GJC1: variants seen among roughly 807,000 people sequenced by gnomAD.
GJC1 encodes gap junction gamma-1 protein.
In GJC1, 5 loss-of-function variants were observed where a neutral mutation model predicts 29.3. The ratio of observed to expected loss-of-function variants is 0.17; its 90% CI spans 0.09 to 0.36. The LOEUF (loss-of-function observed/expected upper bound fraction) is 0.36, where lower values mean the gene tolerates loss of function less well. Among genes scored for constraint, GJC1 ranks in the 10% least tolerant of loss-of-function variants. The probability of loss-of-function intolerance (pLI) is 1.00; values close to 1 mark genes in which losing one functional copy is unlikely to be tolerated. For synonymous variants in GJC1, 177 were observed against 183.3 expected (o/e 0.97, Z 0.28); for missense variants, 310 against 496.2 (o/e 0.62, Z 3.56).
At chr17:44,816,310 C>A (rs113733784) in intron 1 of GJC1, among the ~76,000 whole-genome samples, 263 of 151,868 alleles carry the variant, frequency 1.7e-3, no homozygotes, top group African/African-American at 6.1e-3. Flanking sequence ...GTCTATTTTC[C>A]AAATAACTTA....
Position 44,805,851 on chromosome 17 carries a change from A to G in GJC1, c.-20-14T>C. 8.8e-7 allele frequency: 1 copy of G among 1,139,084 alleles called. No homozygotes were observed. Among genetic ancestry groups the G allele is most frequent in the Non-Finnish European group, 1.3e-6 (1 of 789,806 alleles). 70.6% of individuals were successfully genotyped at this position (1,139,084 alleles called of 1,614,324 possible). ...AATTGGTATGCCCTGATAAAAGTGG[A>G]AAAATACCAAAATAAAATCAACAAA... On this transcript the variant is annotated splice_polypyrimidine_tract_variant and intron_variant, in intron 2 of 2. Transcript: ENST00000592524. The surrounding 1 kb of genome is among the most constrained non-coding windows in gnomAD (Gnocchi z 5.1).
At chr17:44,797,417 C>T (rs2049790654), downstream of GJC1, 1 of 152,168 alleles carries the variant, frequency 6.6e-6, no homozygotes, top group South Asian at 2.1e-4. Context: ...GTCCAATGGT[C>T]CAATGGTTAC....
Position 44,813,756 on chromosome 17 carries a change from G to T in GJC1, c.-96-6287C>A, listed in dbSNP as rs574095712. On this transcript the variant is annotated intron_variant, in intron 1 of 2. Transcript: ENST00000592524. Reference sequence around the variant, plus strand: ...GATCTGCTCACCTCGGCCTCCCAAAGTGCTAAGATTACAGGCGTGAGTCAC... The same window carrying T: ...GATCTGCTCACCTCGGCCTCCCAAATTGCTAAGATTACAGGCGTGAGTCAC... 5.3e-5 allele frequency among the ~76,000 whole-genome samples: 8 copies of T among 152,150 alleles called. 1 individual carries two copies. The South Asian group carries it at 1.7e-3, about 32-fold the overall frequency.
At chr17:44,818,663 T>C (rs1001949668) in intron 1 of GJC1, among the ~76,000 whole-genome samples, 4 of 151,482 alleles carry the variant, frequency 2.6e-5, no homozygotes, top group African/African-American at 4.9e-5. Flanking sequence ...TAGCCAGGCC[T>C]GGGCTACTGT....
intron 1 of GJC1, among the ~76,000 whole-genome samples, chr17:44,826,293 G>C (rs931929297): frequency 2.6e-5 from 4 of 152,108 alleles, no homozygotes; most frequent in African/African-American, 9.7e-5. Flanking sequence ...AGCATTTTGG[G>C]AGGCCGAGGT....
chr17:44,804,994 T>G lies in GJC1; in HGVS notation c.824A>C (p.Tyr275Ser). 6.2e-7 allele frequency: 1 copy of G among 1,614,058 alleles called. No homozygotes were observed. The highest frequency in any genetic ancestry group is 8.5e-7 in the Non-Finnish European group (1 of 1,179,996). Residue 275 changes from tyrosine to serine, a missense_variant, in exon 3 of 3, where the codon TAT becomes TCT. Transcript: ENST00000592524. ...KRRELEDPGA[Y>S]NYPFTWNTPS... ...TGTATTCCAAGTGAAAGGATAATTATAAGCACCCGGATCCTCAAGTTCCCT... is the reference window on the plus strand; with the variant it reads ...TGTATTCCAAGTGAAAGGATAATTAGAAGCACCCGGATCCTCAAGTTCCCT...
rs2049807277 is a variant in GJC1 at position 44,798,886 on chromosome 17, T to G, written c.*5741A>C. On this transcript the variant is annotated 3_prime_UTR_variant, in exon 3 of 3. Coordinates refer to ENST00000592524, the MANE Select transcript of GJC1 (RefSeq NM_005497.4). ...AAATGCAGAACTAGTACCTTTTTTA[T>G]TTGAGTCTCACTCCATCACCCAAGC... is the stretch of plus-strand genomic sequence containing the variant. 6.6e-6 allele frequency: 1 copy of G among 152,226 alleles called. No homozygotes were observed. Among genetic ancestry groups the G allele is most frequent in the African/African-American group, 2.4e-5 (1 of 41,446 alleles). 9.4% of individuals were successfully genotyped at this position (152,226 alleles called of 1,614,324 possible). A position where few individuals can be genotyped will look rare whatever the true frequency, so the allele number is the denominator to read the frequency against.
At chr17:44,797,037 A>G (rs2049787908), downstream of GJC1, among the ~76,000 whole-genome samples, 4 of 152,032 alleles carry the variant, frequency 2.6e-5, no homozygotes, top group Admixed American at 2.6e-4. Context: ...TTTTGTAGAG[A>G]CAGGGTCTCA....
downstream of GJC1, chr17:44,794,952 G>A (rs776045445): frequency 7.9e-5 from 12 of 152,198 alleles, no homozygotes; most frequent in Non-Finnish European, 1.3e-4. Flanking sequence ...GTCAAGGGCA[G>A]GGCAAGGAAA....
rs576540378 is a variant in GJC1, at chr17:44,823,198, T to C, written c.-97+6864A>G. Among the ~76,000 whole-genome samples the C allele has an allele frequency of 2.6e-5, 4 of 151,424 alleles. No individual in the cohort carries two copies. The East Asian group carries it at 7.8e-4, about 29-fold the overall frequency. ...GTGTGTGAAGTTTATCCGATTTATA[T>C]AGAGGAAAAACATCAAAACTTACTC... On this transcript the variant is annotated intron_variant, in intron 1 of 2. Coordinates refer to ENST00000592524, the MANE Select transcript of GJC1 (RefSeq NM_005497.4).
At chr17:44,815,917 T>A (rs1375044223) in intron 1 of GJC1, among the ~76,000 whole-genome samples, 1 of 151,720 alleles carries the variant, frequency 6.6e-6, no homozygotes, top group Non-Finnish European at 1.5e-5. Flanking sequence ...ATCGAGACCA[T>A]CCTGGCTAAC....
intron 1 of GJC1, among the ~76,000 whole-genome samples, chr17:44,813,788 C>T (rs933260071): frequency 9.2e-5 from 14 of 152,044 alleles, no homozygotes; most frequent in African/African-American, 3.4e-4. Context: ...TCACCACGCC[C>T]GGCCACAAGT....
chr17:44,804,491 C>A lies in GJC1; in HGVS notation c.*136G>T, dbSNP rs773889984. On this transcript the variant is annotated 3_prime_UTR_variant, in exon 3 of 3. Transcript: ENST00000592524. ...CTCAGCCCAGCCCCGCCTCCAGAGT[C>A]CCCTGAGCTTGGATCATGAGCCAAC... 1.0e-5 allele frequency: 7 copies of A among 691,864 alleles called. No individual in the cohort carries two copies. The African/African-American group carries it at 1.1e-4, about 11-fold the overall frequency. The allele number at this position is 691,864 out of a possible 1,614,324, so 42.9% of individuals were successfully genotyped here.
At chr17:44,825,643 T>C (rs1468030271) in intron 1 of GJC1, among the ~76,000 whole-genome samples, 1 of 152,008 alleles carries the variant, frequency 6.6e-6, no homozygotes, top group Non-Finnish European at 1.5e-5. Flanking sequence ...GGCGTGGTGG[T>C]GGACACCTAT....
In GJC1 at chr17:44,805,338, A is replaced by C. The variant is rs769654327; in HGVS notation, c.480T>G (p.Pro160=). Residue 160 remains proline, a synonymous_variant, in exon 3 of 3, where the codon CCT becomes CCG. Coordinates refer to ENST00000592524, the MANE Select transcript of GJC1 (RefSeq NM_005497.4). The surrounding 1 kb of genome is among the most constrained non-coding windows in gnomAD (Gnocchi z 5.1). The part of the protein sequence containing the change: ...KENKEQSQPK[P]KHDGRRRIRE... Reference sequence around the variant, plus strand: ...GAATCCGTCGTCGGCCATCATGCTTAGGTTTGGGTTGGCTCTGCTCTTTAT... The same window carrying C: ...GAATCCGTCGTCGGCCATCATGCTTCGGTTTGGGTTGGCTCTGCTCTTTAT... 1.1e-5 allele frequency: 17 copies of C among 1,614,014 alleles called. No individual in the cohort carries two copies. The African/African-American group carries it at 2.3e-4, about 22-fold the overall frequency.
intron 1 of GJC1, among the ~76,000 whole-genome samples, chr17:44,826,796 T>C (rs1372159821): frequency 6.6e-6 from 1 of 152,204 alleles, no homozygotes; most frequent in African/African-American, 2.4e-5. Flanking sequence ...TAAAATTATT[T>C]GTATTTAAAT....
rs779442418 is a variant in GJC1 at position 44,805,035 on chromosome 17, T to A, written c.783A>T (p.Ser261=). ...LHLGFGTIRD[S]LNSKRRELED... ...CAAGTTCCCTCCTTTTACTGTTTAG[T>A]GAGTCTCGAATGGTCCCAAACCCTA... Residue 261 remains serine, a synonymous_variant, in exon 3 of 3, where the codon TCA becomes TCT. Coordinates refer to ENST00000592524, the MANE Select transcript of GJC1 (RefSeq NM_005497.4). The surrounding 1 kb of genome is among the most constrained non-coding windows in gnomAD (Gnocchi z 5.1). 1 of 1,614,082 alleles carries A rather than the reference T, an allele frequency of 6.2e-7. No individual in the cohort carries two copies. Among genetic ancestry groups the A allele is most frequent in the South Asian group, 1.1e-5 (1 of 91,082 alleles).
intron 2 of GJC1, among the ~76,000 whole-genome samples, chr17:44,807,055 C>T (rs1044263748): frequency 6.6e-6 from 1 of 152,102 alleles, no homozygotes; most frequent in Non-Finnish European, 1.5e-5. Flanking sequence ...ATATTGTACC[C>T]CTTTACTATA....
Position 44,821,743 on chromosome 17 carries a change from C to T in GJC1, c.-97+8319G>A, listed in dbSNP as rs141899551. On this transcript the variant is annotated intron_variant, in intron 1 of 2. Coordinates refer to ENST00000592524, the MANE Select transcript of GJC1 (RefSeq NM_005497.4). The stretch of plus-strand genomic sequence containing the variant: ...AAAAAAAACAACAAAAAAACACCAA[C>T]ACCCATACCATCATACACCAATGGT... Among the ~76,000 whole-genome samples, 208 of 141,576 alleles carry T rather than the reference C, an allele frequency of 1.5e-3. 3 individuals carry two copies. The East Asian group carries it at 0.04, about 27-fold the overall frequency. 92.9% of individuals were successfully genotyped at this position (141,576 alleles called of 152,430 possible).
Sources: allele counts gnomAD v4.1 joint callset (sites outside exome capture counted in the v4.1 genomes callset), GRCh38; gene constraint gnomAD v4.1.1; non-coding constraint Gnocchi (gnomAD v3.1); transcripts MANE v1.5; gene names NCBI Gene and HGNC (gene_info 2026-07-23, HGNC 2026-07-21).